Variants in BBS9 observed in about 807,000 individuals in gnomAD.
The protein encoded by BBS9 is Bardet-Biedl syndrome 9.
In BBS9, 89 loss-of-function variants were observed where a neutral mutation model predicts 117.7. The observed-to-expected ratio is 0.76, with a 90% CI of 0.64 to 0.90. The LOEUF is 0.90. BBS9 is among the 40% of genes least tolerant of loss of function. The probability of loss-of-function intolerance (pLI) is 0.00; values close to 1 mark genes in which losing one functional copy is unlikely to be tolerated. For synonymous variants in BBS9, 379 were observed against 370.9 expected, an observed-to-expected ratio of 1.02 and a Z score of -0.25; for missense variants, 982 against 1,042.2, an observed-to-expected ratio of 0.94 and a Z score of 0.80.
intron 4 of BBS9, among the ~76,000 whole-genome samples, chr7:33,176,546 A>C (rs1273691745): frequency 2.0e-5 from 3 of 152,220 alleles, no homozygotes; most frequent in African/African-American, 7.2e-5. Flanking sequence ...TTACAATCTC[A>C]GTGTATGTTG....
chr7:33,297,348 T>C (rs1290057382), intron 9 of BBS9, among the ~76,000 whole-genome samples: 1 of 152,164 alleles, frequency 6.6e-6, no homozygotes, highest in Non-Finnish European at 1.5e-5. Context: ...GAACATACCA[T>C]GTGATATGTA....
chr7:33,528,955 C>G (rs6945776), intron 20 of BBS9, among the ~76,000 whole-genome samples: 83,491 of 152,136 alleles, frequency 0.55, 23,963 homozygotes, highest in African/African-American at 0.71. Context: ...AAGCCACTTG[C>G]TTGATCTGGT....
intron 19 of BBS9, among the ~76,000 whole-genome samples, chr7:33,497,533 A>T (rs1404028177): frequency 6.6e-6 from 1 of 152,244 alleles, no homozygotes; most frequent in African/African-American, 2.4e-5. Flanking sequence ...GAAACATTTT[A>T]TTCAAATCAC....
At chr7:33,399,507 C>T (rs1828562258) in intron 19 of BBS9, among the ~76,000 whole-genome samples, 1 of 152,194 alleles carries the variant, frequency 6.6e-6, no homozygotes, top group South Asian at 2.1e-4. Context: ...TCACCTTCTT[C>T]ACTTTAATCT....
At chr7:33,445,908 G>A in intron 19 of BBS9, among the ~76,000 whole-genome samples, 1 of 152,136 alleles carries the variant, frequency 6.6e-6, no homozygotes, top group Non-Finnish European at 1.5e-5. Flanking sequence ...AAGTTTCCTA[G>A]GGCTTCCCCA....
intron 20 of BBS9, among the ~76,000 whole-genome samples, chr7:33,517,904 A>G (rs75234799): frequency 0.056 from 8,469 of 152,304 alleles, 256 homozygotes; most frequent in African/African-American, 0.089. Context: ...GGATAAATGT[A>G]GATTTATATT....
chr7:33,542,699 A>ATGTG lies in BBS9; in HGVS notation c.2521+8553_2521+8556dup, dbSNP rs200416682. On this transcript the variant is annotated intron_variant, in intron 21 of 22. Coordinates refer to ENST00000242067, the MANE Select transcript of BBS9 (RefSeq NM_198428.3). The stretch of plus-strand genomic sequence containing the variant: ...GCCTGCGTAGTATTCCATTATATAT[A>ATGTG]TGTGTGTGTGTGTGTGTGTGTGTGT... Among the ~76,000 whole-genome samples, 650 of 145,920 alleles carry ATGTG rather than the reference A, an allele frequency of 4.5e-3. 7 individuals carry two copies. Among genetic ancestry groups the ATGTG allele is most frequent in the Middle Eastern group, 0.014 (4 of 276 alleles).
intron 4 of BBS9, among the ~76,000 whole-genome samples, chr7:33,163,068 C>T (rs1485524851): frequency 6.6e-6 from 1 of 152,130 alleles, no homozygotes; most frequent in Non-Finnish European, 1.5e-5. Flanking sequence ...GAGGCGTTTT[C>T]TGCATCTATT....
intron 5 of BBS9, among the ~76,000 whole-genome samples, chr7:33,213,489 C>T (rs1405452497): frequency 6.6e-6 from 1 of 152,228 alleles, no homozygotes. Context: ...TGTGGCCAAG[C>T]TGGTACCTAA....
chr7:33,561,698 G>A (rs549452900), intron 21 of BBS9, among the ~76,000 whole-genome samples: 1 of 148,596 alleles, frequency 6.7e-6, no homozygotes, highest in Non-Finnish European at 1.5e-5. Context: ...ACTAGAACAA[G>A]AGAAAAGAAG....
At chr7:33,254,557 A>C (rs183719394) in intron 5 of BBS9, among the ~76,000 whole-genome samples, 1 of 152,240 alleles carries the variant, frequency 6.6e-6, no homozygotes, top group South Asian at 2.1e-4. Context: ...GCAAATTTCA[A>C]GTGTCCATTA....
intron 9 of BBS9, among the ~76,000 whole-genome samples, chr7:33,280,123 A>G (rs1894871): frequency 1 from 152,367 of 152,370 alleles, 76,182 homozygotes; most frequent in Non-Finnish European, 1. Context: ...CTTATTTTAA[A>G]TTTGTTACTT....
chr7:33,168,235 C>G (rs1795991110), intron 4 of BBS9, among the ~76,000 whole-genome samples: 1 of 152,158 alleles, frequency 6.6e-6, no homozygotes, highest in South Asian at 2.1e-4. Context: ...GGAAGCCCAT[C>G]AAATTGTCAA....
intron 5 of BBS9, among the ~76,000 whole-genome samples, chr7:33,230,297 T>C (rs1792099266): frequency 6.6e-6 from 1 of 152,172 alleles, no homozygotes; most frequent in South Asian, 2.1e-4. Flanking sequence ...GCCTTCTCTT[T>C]TGGTGTGATT....
intron 17 of BBS9, among the ~76,000 whole-genome samples, chr7:33,374,358 T>G (rs995679747): frequency 5.3e-5 from 8 of 152,104 alleles, no homozygotes; most frequent in African/African-American, 1.9e-4. Context: ...GTCAGGAAAC[T>G]TAGGGACAAG....
At chr7:33,203,121 C>T (rs1477803458) in intron 5 of BBS9, among the ~76,000 whole-genome samples, 4 of 152,144 alleles carry the variant, frequency 2.6e-5, no homozygotes, top group African/African-American at 9.7e-5. Context: ...GTTAAGTCCT[C>T]AGCTGCTTGG....
Position 33,264,166 on chromosome 7 carries a change from T to C in BBS9, c.618-124T>C, listed in dbSNP as rs56293097. 5.7e-3 allele frequency: 2,496 copies of C among 434,386 alleles called. 14 individuals carry two copies. The highest frequency in any genetic ancestry group is 7.2e-3 in the Non-Finnish European group (1,857 of 258,278). 26.9% of individuals were successfully genotyped at this position (434,386 alleles called of 1,614,324 possible). On this transcript the variant is annotated intron_variant, in intron 6 of 22. Transcript: ENST00000242067. ...AGAATTCAATCTTAAATTTTAGAGT[T>C]TTTAAAAACTAGGAAAAAGTGCTTT... is the stretch of plus-strand genomic sequence containing the variant.
At chr7:33,549,119 G>A (rs1159441854) in intron 21 of BBS9, among the ~76,000 whole-genome samples, 16 of 147,418 alleles carry the variant, frequency 1.1e-4, no homozygotes, top group Non-Finnish European at 1.6e-4. Flanking sequence ...CAGAAATAAC[G>A]CCGCATATCT....
intron 4 of BBS9, among the ~76,000 whole-genome samples, chr7:33,156,858 A>AT (rs1337932291): frequency 2.0e-5 from 3 of 151,744 alleles, no homozygotes; most frequent in African/African-American, 7.3e-5. Context: ...ACATGGTTTC[A>AT]TGTTGCTCCT....
Sources: allele counts gnomAD v4.1 joint callset (sites outside exome capture counted in the v4.1 genomes callset), GRCh38; gene constraint gnomAD v4.1.1; transcripts MANE v1.5; gene names NCBI Gene and HGNC (gene_info 2026-07-23, HGNC 2026-07-21).